Variants in DMD observed in about 807,000 individuals in gnomAD.
DMD encodes the protein dystrophin, also known as mutant dystrophin.
In DMD, 63 loss-of-function variants were observed where a neutral mutation model predicts 330.1. The observed-to-expected ratio is 0.19, with a 90% CI of 0.16 to 0.24. The LOEUF (loss-of-function observed/expected upper bound fraction) is 0.24. Ranked by LOEUF, DMD falls within the 10% of genes least tolerant of loss-of-function variation. The probability of loss-of-function intolerance (pLI) is 1.00; values close to 1 mark genes in which losing one functional copy is unlikely to be tolerated. For synonymous variants in DMD, 1,223 were observed against 959.8 expected (o/e 1.27, Z -5.07); for missense variants, 3,344 against 2,684.1 (o/e 1.25, Z -5.43).
At chrX:32,484,005 C>G (rs1362240459) in intron 21 of DMD, among the ~76,000 whole-genome samples, 1 of 110,402 alleles carries the variant, frequency 9.1e-6, no homozygotes, top group African/African-American at 3.3e-5. Flanking sequence ...AATATATTTT[C>G]CAACTAATTT....
chrX:33,147,120 C>A (rs2048074377), intron 1 of DMD, among the ~76,000 whole-genome samples: 1 of 111,725 alleles, frequency 9.0e-6, no homozygotes, highest in Non-Finnish European at 1.9e-5. Context: ...CCGCCGCTGG[C>A]CAATAAATCT....
At chrX:32,034,112 G>A (rs1303952838) in intron 44 of DMD, among the ~76,000 whole-genome samples, 1 of 111,574 alleles carries the variant, frequency 9.0e-6, no homozygotes, top group Non-Finnish European at 1.9e-5. Flanking sequence ...TATAAGTTAC[G>A]AGTTAGAAGC....
intron 57 of DMD, 61 bp from the exon 58 acceptor site, chrX:31,479,164 C>T: frequency 1.7e-5 from 20 of 1,167,336 alleles, no homozygotes; most frequent in Non-Finnish European, 2.3e-5. Flanking sequence ...CAAAATTAAT[C>T]CTGGGTGCTC....
intron 1 of DMD, among the ~76,000 whole-genome samples, chrX:33,037,970 T>C (rs2094232999): frequency 8.9e-6 from 1 of 112,146 alleles, no homozygotes; most frequent in South Asian, 3.7e-4. Context: ...AATGGCACTA[T>C]CAATATATAT....
chrX:31,972,832 T>C (rs2095409567), intron 44 of DMD, among the ~76,000 whole-genome samples: 2 of 111,611 alleles, frequency 1.8e-5, no homozygotes, highest in South Asian at 7.4e-4. Context: ...ACTTTTATGG[T>C]GCAATTTCCT....
At chrX:32,391,037 A>G (rs1278327016) in intron 30 of DMD, among the ~76,000 whole-genome samples, 1 of 111,092 alleles carries the variant, frequency 9.0e-6, no homozygotes, top group Admixed American at 9.6e-5. Context: ...CAAGTTCTAT[A>G]GTAAAGTATA....
At chrX:32,364,749 G>A (rs768511843) in intron 35 of DMD, 39 bp from the exon 36 acceptor site, 1 of 1,178,433 alleles carries the variant, frequency 8.5e-7, no homozygotes, top group East Asian at 3.0e-5. Context: ...TTATTGGTTA[G>A]ACAATATTCT....
At chrX:32,503,694 T>C (rs1031723704) in intron 18 of DMD, among the ~76,000 whole-genome samples, 2 of 110,224 alleles carry the variant, frequency 1.8e-5, no homozygotes, top group African/African-American at 6.6e-5. Flanking sequence ...TAGCCGGGAT[T>C]ACAGGCGTGC....
At chrX:32,470,118 T>A (rs187343457) in intron 22 of DMD, among the ~76,000 whole-genome samples, 74 of 111,545 alleles carry the variant, frequency 6.6e-4, no homozygotes, top group Admixed American at 2.9e-3. Flanking sequence ...AAAATTCTCA[T>A]CTTGTAATTT....
rs201867618 is a variant in DMD, at chrX:31,539,651, A to AG, written c.8218-32199dup. ...CATTGTCAATCAAGTTAAGCAATGCAGGGGGGAAAGAAATTGTCAGAGGAA... is the reference window on the plus strand; with the variant it reads ...CATTGTCAATCAAGTTAAGCAATGCAGGGGGGGAAAGAAATTGTCAGAGGAA... On this transcript the variant is annotated intron_variant, in intron 55 of 78. Transcript: ENST00000357033. 5.1e-4 allele frequency among the ~76,000 whole-genome samples: 57 copies of AG among 112,054 alleles called. No individual in the cohort carries two copies. The East Asian group carries it at 0.015, about 29-fold the overall frequency.
chrX:32,252,743 T>A (rs12862347), intron 43 of DMD, among the ~76,000 whole-genome samples: 2 of 37,911 alleles, frequency 5.3e-5, no homozygotes, highest in Admixed American at 6.5e-4. Context: ...AATATATATA[T>A]AAATATATAT....
chrX:32,125,425 C>T (rs1423352415), intron 44 of DMD, among the ~76,000 whole-genome samples: 3 of 111,391 alleles, frequency 2.7e-5, no homozygotes, highest in Admixed American at 9.5e-5. Context: ...GGATGTGTAT[C>T]GGGTTTGAAG....
At chrX:32,559,126 T>G (rs753409604) in intron 16 of DMD, among the ~76,000 whole-genome samples, 2 of 108,700 alleles carry the variant, frequency 1.8e-5, no homozygotes. Context: ...ACTTTTTTTG[T>G]ATTTTTAGTA....
chrX:31,597,187 A>G (rs2077149254), intron 55 of DMD, among the ~76,000 whole-genome samples: 1 of 112,019 alleles, frequency 8.9e-6, no homozygotes, highest in African/African-American at 3.2e-5. Context: ...CTTACAATCT[A>G]GTGAAGTATA....
chrX:32,340,642 G>A (rs2097736955), intron 41 of DMD, among the ~76,000 whole-genome samples: 2 of 111,837 alleles, frequency 1.8e-5, no homozygotes, highest in African/African-American at 6.5e-5. Context: ...TTAGTAGTCA[G>A]ATAATTCAAA....
At chrX:32,439,522 C>T (rs1042017982) in intron 28 of DMD, among the ~76,000 whole-genome samples, 6 of 111,011 alleles carry the variant, frequency 5.4e-5, no homozygotes, top group Non-Finnish European at 1.9e-5. Flanking sequence ...TTAATGGATA[C>T]ATTATTTTAT....
At position 32,953,160 on chromosome X, in the gene DMD, A is replaced by G. The variant is rs1056276039; in HGVS notation, c.93+66979T>C. On this transcript the variant is annotated intron_variant, in intron 2 of 78. Coordinates refer to ENST00000357033, the MANE Select transcript of DMD (RefSeq NM_004006.3). ...AAAAAAAAAAAAAAAAGAAGAAGAA[A>G]AGAAATTTAAGCGAAGATGTGAGTA... is the stretch of plus-strand genomic sequence containing the variant. Among the ~76,000 whole-genome samples the G allele has an allele frequency of 3.7e-5, 4 of 109,270 alleles. No individual in the cohort carries two copies. The East Asian group carries it at 1.1e-3, about 31-fold the overall frequency. 94.9% of individuals were successfully genotyped at this position (109,270 alleles called of 115,157 possible).
At position 32,823,290 on chromosome X, in the gene DMD, C is replaced by T. The variant is rs778431187; in HGVS notation, c.357+5G>A. The stretch of plus-strand genomic sequence containing the variant: ...CAAAAGGAAACCATTCATCAGGATT[C>T]TTACCTGCCAGTGGAGGATTATATT... On this transcript the variant is annotated splice_donor_5th_base_variant and intron_variant, in intron 5 of 78. Coordinates refer to ENST00000357033, the MANE Select transcript of DMD (RefSeq NM_004006.3). 1.9e-5 allele frequency: 23 copies of T among 1,196,186 alleles called. No homozygotes were observed. The African/African-American group carries it at 3.2e-4, about 16-fold the overall frequency.
intron 29 of DMD, among the ~76,000 whole-genome samples, chrX:32,419,399 T>C (rs1421228303): frequency 8.9e-6 from 1 of 112,195 alleles, no homozygotes; most frequent in African/African-American, 3.2e-5. Flanking sequence ...AAAGACTAAG[T>C]AAATTAAAAC....
Sources: gnomAD v4.1 joint callset for allele counts (sites outside exome capture counted in the v4.1 genomes callset) on GRCh38, gnomAD v4.1.1 for gene constraint, MANE v1.5 for transcripts, NCBI Gene and HGNC (gene_info 2026-07-23, HGNC 2026-07-21) for gene names.